The following DST variants were observed in gnomAD, a reference collection of about 807,000 sequenced individuals.
DST encodes the protein dystonin.
A neutral mutation model predicts 875.2 loss-of-function variants in DST; 253 were observed. The observed-to-expected ratio is 0.29, with a 90% CI of 0.26 to 0.32. The LOEUF (loss-of-function observed/expected upper bound fraction) is 0.32, where lower values mean the gene tolerates loss of function less well. Among genes scored for constraint, DST ranks in the 10% least tolerant of loss-of-function variants. The pLI is 1.00. For missense variants in DST, 8,287 were observed against 9,111.6 expected, an observed-to-expected ratio of 0.91 and a Z score of 3.68; for synonymous variants, 3,124 against 3,197.1, an observed-to-expected ratio of 0.98 and a Z score of 0.77.
At chr6:56,876,205 C>T (rs115618079) in intron 3 of DST, among the ~76,000 whole-genome samples, 2,576 of 152,224 alleles carry the variant, frequency 0.017, 71 homozygotes, top group African/African-American at 0.055. Flanking sequence ...TGACTCATTG[C>T]TTCTTCTTCA....
rs779325336 is a variant in DST at position 56,606,943 on chromosome 6, G to A, written c.7685C>T (p.Thr2562Ile). 46 of 1,613,480 alleles carry A rather than the reference G, an allele frequency of 2.9e-5. No individual in the cohort carries two copies. The African/African-American group carries it at 5.3e-4, about 19-fold the overall frequency. ...SEIEEYSCAVTPGGDTDNAIV... is the reference protein window; with the variant it reads ...SEIEEYSCAVIPGGDTDNAIV... ...GGCATTATCAGTATCACCCCCTGGAGTCACAGCACAGGAATACTCTTCTAT... is the reference window on the plus strand; with the variant it reads ...GGCATTATCAGTATCACCCCCTGGAATCACAGCACAGGAATACTCTTCTAT... The change falls in exon 40 of 104, where the codon ACT becomes ATT. Residue 2562 changes from threonine (T) to isoleucine (I), a missense_variant. Transcript: ENST00000680361.
intron 4 of DST, among the ~76,000 whole-genome samples, chr6:56,817,636 T>G: frequency 6.6e-6 from 1 of 152,204 alleles, no homozygotes; most frequent in East Asian, 1.9e-4. Context: ...TCATTTTTTA[T>G]GAAATCATAT....
At chr6:56,627,343 C>A in intron 33 of DST, 56 bp from the exon 34 acceptor site, 1 of 1,212,576 alleles carries the variant, frequency 8.2e-7, no homozygotes, top group Non-Finnish European at 1.2e-6. Context: ...TATTCTACTA[C>A]ATAAGATGCT....
intron 2 of DST, among the ~76,000 whole-genome samples, chr6:56,930,354 C>T (rs1460404760): frequency 6.6e-6 from 1 of 152,178 alleles, no homozygotes; most frequent in Non-Finnish European, 1.5e-5. Flanking sequence ...AGGCATTTTT[C>T]CTAACCTTTT....
At position 56,535,133 on chromosome 6, in the gene DST, G is replaced by T. The variant is rs748892709; in HGVS notation, c.16930C>A (p.Gln5644Lys). The change falls in exon 63 of 104, where the codon CAA becomes AAA. Residue 5644 changes from glutamine (Q) to lysine (K), a missense_variant. Transcript: ENST00000680361. The stretch of plus-strand genomic sequence containing the variant: ...CATGACTAACTTACCTTTTGTTCTT[G>T]TATCTGGGCCTTTACCACTTTGAAC... Reference protein sequence around the residue: ...AEFKVVKAQIQEQKLLQRLLD... With the variant: ...AEFKVVKAQIKEQKLLQRLLD... 4 of 1,613,416 alleles carry T rather than the reference G, an allele frequency of 2.5e-6. No homozygotes were observed. Among genetic ancestry groups the T allele is most frequent in the Non-Finnish European group, 1.7e-6 (2 of 1,179,764 alleles).
At chr6:56,613,489 T>G (rs1208137180) in intron 37 of DST, among the ~76,000 whole-genome samples, 3 of 152,230 alleles carry the variant, frequency 2.0e-5, no homozygotes. Flanking sequence ...TGAGTACTGA[T>G]GCAGAGCTAG....
intron 9 of DST, among the ~76,000 whole-genome samples, chr6:56,677,644 T>C (rs1053162247): frequency 3.3e-5 from 5 of 152,232 alleles, no homozygotes; most frequent in African/African-American, 9.6e-5. Flanking sequence ...TAGTATTGCT[T>C]CCTAAAGCTT....
At chr6:56,816,441 T>C (rs879863477) in intron 4 of DST, among the ~76,000 whole-genome samples, 15 of 152,204 alleles carry the variant, frequency 9.9e-5, no homozygotes, top group Middle Eastern at 3.2e-3. Flanking sequence ...TTCATCCACT[T>C]CATGCAGATT....
Position 56,469,017 on chromosome 6 carries a change from T to C in DST, c.22552-18A>G, listed in dbSNP as rs1368329903. 3.2e-6 allele frequency: 5 copies of C among 1,567,958 alleles called. No individual in the cohort carries two copies. The East Asian group carries it at 1.2e-4, about 36-fold the overall frequency. On this transcript the variant is annotated intron_variant, in intron 97 of 103. Transcript: ENST00000680361. ...AGGAAGAACTGATAAAAATGAAAAA[T>C]GGAAGAAAGACACAATTAGTTCAAC...
At chr6:56,859,908 G>GGCT (rs1770089579) in intron 3 of DST, among the ~76,000 whole-genome samples, 1 of 152,164 alleles carries the variant, frequency 6.6e-6, no homozygotes, top group Admixed American at 6.5e-5. Context: ...AGCCTCCGCA[G>GGCT]TCCCTTCAGA....
chr6:56,492,994 A>G lies in DST; in HGVS notation c.20490T>C (p.Asn6830=). 1.2e-6 allele frequency: 2 copies of G among 1,612,810 alleles called. No homozygotes were observed. The highest frequency in any genetic ancestry group is 1.7e-6 in the Non-Finnish European group (2 of 1,179,348). ...AGATGAGACTTGGCCGAGAAGCTAC[A>G]TTTAGGGTCTGTTCAGCCTGAGTAA... The part of the protein sequence containing the change: ...NWLTQAEQTL[N]VASRPSLILD... Residue 6830 remains asparagine, a synonymous_variant, in exon 84 of 104, where the codon AAT becomes AAC. Coordinates refer to ENST00000680361, the MANE Select transcript of DST (RefSeq NM_001374736.1).
chr6:56,568,496 C>A lies in DST; in HGVS notation c.13978G>T (p.Ala4660Ser). 6.2e-7 allele frequency: 1 copy of A among 1,608,682 alleles called. No homozygotes were observed. Among genetic ancestry groups the A allele is most frequent in the African/African-American group, 1.3e-5 (1 of 74,814 alleles). Residue 4660 changes from alanine to serine, a missense_variant, in exon 55 of 104, where the codon GCA becomes TCA. Ala to Ser is a moderately conservative substitution (Grantham distance 99). Around this residue, in one of 10 missense-constraint regions of DST, gnomAD observed 1,513 missense variants for 1,677.8 expected, o/e 0.90. Coordinates refer to ENST00000680361, the MANE Select transcript of DST (RefSeq NM_001374736.1). Reference sequence around the variant, plus strand: ...GATTTAACTGCTGCTATTGCCTTTGCAGGGGTGGTCACAGCACTTATTAAG... The same window carrying A: ...GATTTAACTGCTGCTATTGCCTTTGAAGGGGTGGTCACAGCACTTATTAAG... Reference protein sequence around the residue: ...CNLISAVTTPAKAIAAVKSGG... With the variant: ...CNLISAVTTPSKAIAAVKSGG...
chr6:56,747,618 G>A (rs1293102814), intron 4 of DST, among the ~76,000 whole-genome samples: 1 of 152,132 alleles, frequency 6.6e-6, no homozygotes, highest in Non-Finnish European at 1.5e-5. Flanking sequence ...GAAAGCTTCT[G>A]CAACTCTTAA....
chr6:56,677,011 TA>T (rs1333487086), intron 9 of DST, among the ~76,000 whole-genome samples: 3 of 152,220 alleles, frequency 2.0e-5, no homozygotes, highest in African/African-American at 7.2e-5. Context: ...TTAAAATTTC[TA>T]AAAGAGTAGA....
At chr6:56,806,418 T>C (rs1050281560) in intron 4 of DST, among the ~76,000 whole-genome samples, 6 of 152,234 alleles carry the variant, frequency 3.9e-5, no homozygotes, top group South Asian at 2.1e-4. Flanking sequence ...AAAGCAATAT[T>C]GGAAAATCAA....
intron 80 of DST, among the ~76,000 whole-genome samples, chr6:56,498,902 A>G (rs888533197): frequency 1.3e-5 from 2 of 152,196 alleles, no homozygotes; most frequent in Non-Finnish European, 2.9e-5. Flanking sequence ...TAAAAAGCTT[A>G]CTACAGAACC....
intron 32 of DST, 26 bp downstream of exon 32, chr6:56,629,224 A>G (rs1405773769): frequency 2.5e-6 from 4 of 1,611,674 alleles, no homozygotes; most frequent in Non-Finnish European, 3.4e-6. Flanking sequence ...AATCTGTGCT[A>G]AAACTGAACA....
At chr6:56,752,195 CA>C (rs1490473154) in intron 4 of DST, among the ~76,000 whole-genome samples, 1 of 151,668 alleles carries the variant, frequency 6.6e-6, no homozygotes, top group African/African-American at 2.4e-5. Flanking sequence ...ACTGGCAATA[CA>C]AAAAGGCATC....
intron 69 of DST, among the ~76,000 whole-genome samples, chr6:56,518,409 T>TATA (rs2096636128): frequency 6.6e-6 from 1 of 152,160 alleles, no homozygotes; most frequent in African/African-American, 2.4e-5. Context: ...GATGACACTG[T>TATA]ATAAACAGCT....
Sources: allele counts gnomAD v4.1 joint callset (sites outside exome capture counted in the v4.1 genomes callset), GRCh38; gene constraint gnomAD v4.1.1; regional missense constraint gnomAD v4.1.1; transcripts MANE v1.5; gene names NCBI Gene and HGNC (gene_info 2026-07-23, HGNC 2026-07-21).